Variants in FBXL14 observed in about 807,000 individuals in gnomAD.
FBXL14 encodes F-box and leucine rich repeat protein 14, also known as F-box/LRR-repeat protein 14.
Under a neutral mutation model 24.5 loss-of-function variants are expected in FBXL14, and 11 were observed. That is an observed-to-expected ratio of 0.45 (90% CI 0.28 to 0.74). The LOEUF (loss-of-function observed/expected upper bound fraction) is 0.74, where lower values mean the gene tolerates loss of function less well. FBXL14 is among the 30% of genes least tolerant of loss of function. FBXL14 has a pLI of 0.12. For synonymous variants in FBXL14, 294 were observed against 240.4 expected, an observed-to-expected ratio of 1.22 and a Z score of -2.06; for missense variants, 384 against 545.6, an observed-to-expected ratio of 0.70 and a Z score of 2.95.
Position 1,593,115 on chromosome 12 carries a change from T to C in FBXL14, c.952A>G (p.Ser318Gly). Residue 318 changes from serine (S) to glycine (G), a missense_variant, in exon 1 of 2, where the codon AGT (serine) becomes GGT (glycine). Transcript: ENST00000339235. The surrounding 1 kb of genome is among the most constrained non-coding windows in gnomAD (Gnocchi z 7.4). ...KSLSLCSCHI[S>G]DDGINRMVRQ... is the part of the protein sequence containing the mutation. ...ACCATGCGGTTGATGCCATCATCAC[T>C]GATGTGGCAGGAGCAGAGGGAGAGA... The C allele has an allele frequency of 6.2e-7, 1 of 1,613,674 alleles. No homozygotes were observed. Among genetic ancestry groups the C allele is most frequent in the Non-Finnish European group, 8.5e-7 (1 of 1,180,028 alleles).
At chr12:1,568,050 A>T (rs1017954862) in intron 1 of FBXL14, among the ~76,000 whole-genome samples, 1 of 152,250 alleles carries the variant, frequency 6.6e-6, no homozygotes, top group Non-Finnish European at 1.5e-5. Flanking sequence ...ACACTAAACC[A>T]CAGATCCAGG....
chr12:1,593,736 C>A lies in FBXL14; in HGVS notation c.331G>T (p.Ala111Ser). The A allele has an allele frequency of 6.2e-7, 1 of 1,614,138 alleles. No individual in the cohort carries two copies. Among genetic ancestry groups the A allele is most frequent in the Non-Finnish European group, 8.5e-7 (1 of 1,180,026 alleles). The change falls in exon 1 of 2, where the codon GCG (alanine) becomes TCG (serine). Residue 111 changes from alanine (A) to serine (S), a missense_variant. Physicochemically the swap from Ala to Ser is moderately conservative, Grantham distance 99 (BLOSUM62 1). Transcript: ENST00000339235. This position sits in a 1 kb window ranked among gnomAD's most constrained non-coding sequence, Gnocchi z 7.4. ...YNLTDNGLGH[A>S]FVQEIGSLRA... Reference sequence around the variant, plus strand: ...AGGGAGCCGATCTCCTGCACAAACGCGTGGCCCAGCCCGTTGTCGGTGAGG... The same window carrying A: ...AGGGAGCCGATCTCCTGCACAAACGAGTGGCCCAGCCCGTTGTCGGTGAGG...
At chr12:1,592,175 G>A (rs2154438401) in intron 1 of FBXL14, among the ~76,000 whole-genome samples, 1 of 145,590 alleles carries the variant, frequency 6.9e-6, no homozygotes, top group Admixed American at 6.9e-5. Flanking sequence ...AAACGAGGTA[G>A]CCAGACATAT....
At chr12:1,589,135 C>T (rs1331870748) in intron 1 of FBXL14, among the ~76,000 whole-genome samples, 1 of 150,538 alleles carries the variant, frequency 6.6e-6, no homozygotes, top group Non-Finnish European at 1.5e-5. Context: ...CGCCTGTAAT[C>T]CCAGGACTTT....
At chr12:1,589,847 C>T (rs1484958831) in intron 1 of FBXL14, among the ~76,000 whole-genome samples, 2 of 152,090 alleles carry the variant, frequency 1.3e-5, no homozygotes, top group African/African-American at 4.8e-5. Flanking sequence ...ATCAATTTGC[C>T]GACCTTTAGT....
Position 1,569,397 on chromosome 12 carries a change from C to G in FBXL14, c.1195-2587G>C, listed in dbSNP as rs1248091936. Reference sequence around the variant, plus strand: ...ATGCTAAATAAGAAACCACTTCGTTCTTTTTTTTTTTTTTTTTGTCTGAGA... The same window carrying G: ...ATGCTAAATAAGAAACCACTTCGTTGTTTTTTTTTTTTTTTTTGTCTGAGA... On this transcript the variant is annotated intron_variant, in intron 1 of 1. Coordinates refer to ENST00000339235, the MANE Select transcript of FBXL14 (RefSeq NM_152441.3). This position sits in a 1 kb window ranked among gnomAD's most constrained non-coding sequence, Gnocchi z 4.2. Among the ~76,000 whole-genome samples, 3 of 134,928 alleles carry G rather than the reference C, an allele frequency of 2.2e-5. No individual in the cohort carries two copies. Among genetic ancestry groups the G allele is most frequent in the Admixed American group, 7.5e-5 (1 of 13,348 alleles). The allele number at this position is 134,928 out of a possible 152,430, so 88.5% of individuals were successfully genotyped here.
At chr12:1,585,255 G>A (rs997443145) in intron 1 of FBXL14, among the ~76,000 whole-genome samples, 10 of 152,134 alleles carry the variant, frequency 6.6e-5, no homozygotes, top group African/African-American at 1.4e-4. Context: ...AAAATTAGCC[G>A]GGCGTGGTGG....
rs1160529282 is a variant in FBXL14 at position 1,594,165 on chromosome 12, C to T, written c.-99G>A. The T allele has an allele frequency of 1.1e-5, 10 of 904,864 alleles. No individual in the cohort carries two copies. The Admixed American group carries it at 4.7e-4, about 43-fold the overall frequency. The allele number at this position is 904,864 out of a possible 1,614,324, so 56.1% of individuals were successfully genotyped here. ...GAGAGCGCTTCTCCCCAGCCGCCGC[C>T]GCCGCCGCCGCCGCCGCCTCGGGCC... is the stretch of plus-strand genomic sequence containing the variant. On this transcript the variant is annotated 5_prime_UTR_variant, in exon 1 of 2. Transcript: ENST00000339235.
chr12:1,588,641 G>C (rs1034811437), intron 1 of FBXL14, among the ~76,000 whole-genome samples: 2 of 152,168 alleles, frequency 1.3e-5, no homozygotes, highest in African/African-American at 2.4e-5. Flanking sequence ...CTTAGAAAAA[G>C]AAGGGAAATG....
chr12:1,575,978 C>G (rs953105958), intron 1 of FBXL14, among the ~76,000 whole-genome samples: 1 of 152,146 alleles, frequency 6.6e-6, no homozygotes, highest in African/African-American at 2.4e-5. Flanking sequence ...TGTTTTTGTC[C>G]TCATGGAGAT....
At position 1,594,155 on chromosome 12, in the gene FBXL14, C is replaced by CA; in HGVS notation, c.-90dup. ...GGCAGGCGACGAGAGCGCTTCTCCCCAGCCGCCGCCGCCGCCGCCGCCGCC... is the reference window on the plus strand; with the variant it reads ...GGCAGGCGACGAGAGCGCTTCTCCCCAAGCCGCCGCCGCCGCCGCCGCCGCC... On this transcript the variant is annotated 5_prime_UTR_variant, in exon 1 of 2. Coordinates refer to ENST00000339235, the MANE Select transcript of FBXL14 (RefSeq NM_152441.3). 1 of 1,070,984 alleles carries CA rather than the reference C, an allele frequency of 9.3e-7. No homozygotes were observed. The highest frequency in any genetic ancestry group is 1.1e-6 in the Non-Finnish European group (1 of 878,554). 66.3% of individuals were successfully genotyped at this position (1,070,984 alleles called of 1,614,324 possible).
chr12:1,586,972 T>C (rs546159233), intron 1 of FBXL14, among the ~76,000 whole-genome samples: 3 of 152,140 alleles, frequency 2.0e-5, no homozygotes, highest in African/African-American at 7.2e-5. Flanking sequence ...GCGCGGTGGC[T>C]CATGCCTGTA....
At chr12:1,574,405 GCTGGCGGCAGTGGTGTGGGTGGAGC>G (rs1322926422) in intron 1 of FBXL14, among the ~76,000 whole-genome samples, 2 of 150,690 alleles carry the variant, frequency 1.3e-5, no homozygotes, top group African/African-American at 2.4e-5. Context: ...GGTGGGGGAG[GCTGGCGGCAGTGGTGTGGGTGGAGC>G]CTGGGGTGAG....
chr12:1,582,639 T>A (rs190951553), intron 1 of FBXL14, among the ~76,000 whole-genome samples: 1 of 152,312 alleles, frequency 6.6e-6, no homozygotes, highest in African/African-American at 2.4e-5. Context: ...TAATTTGCCT[T>A]ATGCACAGGC....
intron 1 of FBXL14, among the ~76,000 whole-genome samples, chr12:1,577,332 T>C (rs2094457861): frequency 6.6e-6 from 1 of 151,792 alleles, no homozygotes; most frequent in South Asian, 2.1e-4. Context: ...TAGCCCCTCC[T>C]CGGGGGAGGG....
At chr12:1,576,194 C>T (rs906464367) in intron 1 of FBXL14, among the ~76,000 whole-genome samples, 1 of 152,098 alleles carries the variant, frequency 6.6e-6, no homozygotes, top group Non-Finnish European at 1.5e-5. Context: ...TTGGTTTGGC[C>T]TCCCTGGGGG....
chr12:1,582,706 A>C (rs927881996), intron 1 of FBXL14, among the ~76,000 whole-genome samples: 1 of 152,180 alleles, frequency 6.6e-6, no homozygotes, highest in Non-Finnish European at 1.5e-5. Context: ...AATGACGTCT[A>C]TATTACAGAG....
chr12:1,586,105 C>T (rs1435040695), intron 1 of FBXL14, among the ~76,000 whole-genome samples: 1 of 151,666 alleles, frequency 6.6e-6, no homozygotes, highest in African/African-American at 2.4e-5. Context: ...CTGAATAACC[C>T]TATATAATGC....
At chr12:1,591,845 A>C (rs1565591294) in intron 1 of FBXL14, among the ~76,000 whole-genome samples, 1 of 152,118 alleles carries the variant, frequency 6.6e-6, no homozygotes, top group Non-Finnish European at 1.5e-5. Flanking sequence ...GTAGGGCAGA[A>C]TTTGCATATA....
Sources: allele counts gnomAD v4.1 joint callset (sites outside exome capture counted in the v4.1 genomes callset), GRCh38; gene constraint gnomAD v4.1.1; non-coding constraint Gnocchi (gnomAD v3.1); transcripts MANE v1.5; gene names NCBI Gene and HGNC (gene_info 2026-07-23, HGNC 2026-07-21).